ZFYVE16: variants seen among roughly 807,000 people sequenced by gnomAD.
ZFYVE16 encodes zinc finger FYVE domain-containing protein 16.
ZFYVE16 carries 89 observed loss-of-function variants against 138.1 expected under a neutral mutation model. The observed-to-expected ratio is 0.64, with a 90% confidence interval of 0.54 to 0.77. The LOEUF is 0.77. Ranked by LOEUF, ZFYVE16 falls within the 30% of genes least tolerant of loss-of-function variation. The pLI is 0.00. For missense variants in ZFYVE16, 1,793 were observed against 1,786.7 expected, an observed-to-expected ratio of 1.00 and a Z score of -0.06; for synonymous variants, 596 against 618.3, an observed-to-expected ratio of 0.96 and a Z score of 0.53.
chr5:80,481,567 C>A lies in ZFYVE16; in HGVS notation c.*4190C>A, dbSNP rs1460266415. The stretch of plus-strand genomic sequence containing the variant: ...GAACCACAGCCACCAAAAAAAGTGG[C>A]CAGGATGTGTGCTCTGAAACTTAAC... On this transcript the variant is annotated 3_prime_UTR_variant, in exon 19 of 19. Coordinates refer to ENST00000505560, the MANE Select transcript of ZFYVE16 (RefSeq NM_001284236.3). Among the ~76,000 whole-genome samples the A allele has an allele frequency of 1.3e-5, 2 of 151,956 alleles. No individual in the cohort carries two copies. Among genetic ancestry groups the A allele is most frequent in the African/African-American group, 4.8e-5 (2 of 41,348 alleles).
intron 1 of ZFYVE16, among the ~76,000 whole-genome samples, chr5:80,409,247 A>G (rs1227416399): frequency 6.6e-6 from 1 of 152,210 alleles, no homozygotes; most frequent in Non-Finnish European, 1.5e-5. Context: ...AAAAAGCTTC[A>G]TAAAAATGAC....
chr5:80,475,161 C>T (rs893375606), intron 18 of ZFYVE16, among the ~76,000 whole-genome samples: 1 of 152,064 alleles, frequency 6.6e-6, no homozygotes, highest in African/African-American at 2.4e-5. Context: ...TTTTGTTTAC[C>T]CAGTGGGGCC....
At chr5:80,417,166 A>C (rs923845072) in intron 1 of ZFYVE16, among the ~76,000 whole-genome samples, 2 of 152,196 alleles carry the variant, frequency 1.3e-5, no homozygotes, top group African/African-American at 4.8e-5. Context: ...CAGAATTGTT[A>C]ACCTGTACCA....
At chr5:80,417,583 T>C (rs1097307) in intron 1 of ZFYVE16, among the ~76,000 whole-genome samples, 119,527 of 152,110 alleles carry the variant, frequency 0.79, 49,718 homozygotes, top group East Asian at 0.92. Flanking sequence ...ATTAGAATCA[T>C]GTAGTATGTA....
chr5:80,448,876 C>T (rs1751680027), intron 8 of ZFYVE16, among the ~76,000 whole-genome samples: 1 of 152,012 alleles, frequency 6.6e-6, no homozygotes, highest in Non-Finnish European at 1.5e-5. Flanking sequence ...TTTCTAAGGT[C>T]CTTTTCAAGC....
chr5:80,420,066 C>T (rs1316256060), intron 1 of ZFYVE16, among the ~76,000 whole-genome samples: 5 of 150,198 alleles, frequency 3.3e-5, no homozygotes, highest in South Asian at 4.2e-4. Context: ...CACCTTGGCC[C>T]CCCAAAGTGC....
In ZFYVE16 at chr5:80,483,305, C is replaced by T. The variant is rs1411382170; in HGVS notation, c.*5928C>T. The T allele has an allele frequency of 6.6e-6, 1 of 152,156 alleles. No homozygotes were observed. Among genetic ancestry groups the T allele is most frequent in the African/African-American group, 2.4e-5 (1 of 41,448 alleles). The allele number at this position is 152,156 out of a possible 1,614,324, so 9.4% of individuals were successfully genotyped here. On this transcript the variant is annotated 3_prime_UTR_variant, in exon 19 of 19. Coordinates refer to ENST00000505560, the MANE Select transcript of ZFYVE16 (RefSeq NM_001284236.3). ...AGGAAGAGCAACCAAAATGGCAAAT[C>T]TCTGGATAAACCAAATAGACTTACA... is the stretch of plus-strand genomic sequence containing the variant.
At chr5:80,433,371 G>T (rs894888168) in intron 2 of ZFYVE16, among the ~76,000 whole-genome samples, 11 of 152,176 alleles carry the variant, frequency 7.2e-5, no homozygotes, top group Non-Finnish European at 1.6e-4. Flanking sequence ...CTCACTCGTA[G>T]TTGGGAATTG....
intron 1 of ZFYVE16, among the ~76,000 whole-genome samples, chr5:80,408,977 C>G (rs1247430704): frequency 2.7e-5 from 1 of 36,652 alleles, no homozygotes; most frequent in Non-Finnish European, 1.3e-4. Flanking sequence ...AATTTTTCGC[C>G]TAATTTCTTC....
chr5:80,440,109 C>A, intron 5 of ZFYVE16, 77 bp downstream of exon 5: 1 of 1,476,814 alleles, frequency 6.8e-7, no homozygotes. Flanking sequence ...CAAAGATAAA[C>A]TTCTTTATTT....
At chr5:80,461,663 T>G (rs1259114684) in intron 15 of ZFYVE16, among the ~76,000 whole-genome samples, 1 of 151,902 alleles carries the variant, frequency 6.6e-6, no homozygotes, top group Non-Finnish European at 1.5e-5. Flanking sequence ...CTCCAGTATC[T>G]CTTCTTCTTC....
chr5:80,448,071 C>T lies in ZFYVE16; in HGVS notation c.2770C>T (p.Pro924Ser). Residue 924 changes from proline (P) to serine (S), a missense_variant, in exon 8 of 19, where the codon CCA becomes TCA. This residue lies in a region of ZFYVE16 where 1,295 missense variants were observed against 1,204.3 expected (regional missense o/e 1.08). Coordinates refer to ENST00000505560, the MANE Select transcript of ZFYVE16 (RefSeq NM_001284236.3). ...DHSHSTTVEK[P>S]NNETGDITRN... is the part of the protein sequence containing the mutation. ...TTCCCATTCTACTACAGTGGAAAAG[C>T]CAAACAATGAGACAGGAGATATTAC... The T allele has an allele frequency of 6.2e-7, 1 of 1,612,672 alleles. No individual in the cohort carries two copies.
chr5:80,471,772 G>A (rs1754406793), intron 15 of ZFYVE16, among the ~76,000 whole-genome samples: 1 of 152,148 alleles, frequency 6.6e-6, no homozygotes, highest in South Asian at 2.1e-4. Flanking sequence ...GCTGAAGAAG[G>A]TTTGTTTATG....
Position 80,448,056 on chromosome 5 carries a change from A to G in ZFYVE16, c.2755A>G (p.Thr919Ala). ...AAACACAGTGGATCATTCCCATTCT[A>G]CTACAGTGGAAAAGCCAAACAATGA... The part of the protein sequence containing the change: ...TVNTVDHSHS[T>A]TVEKPNNETG... Residue 919 changes from threonine (T) to alanine (A), a missense_variant, in exon 8 of 19, where the codon ACT (threonine) becomes GCT (alanine). Coordinates refer to ENST00000505560, the MANE Select transcript of ZFYVE16 (RefSeq NM_001284236.3). 1 of 1,612,014 alleles carries G rather than the reference A, an allele frequency of 6.2e-7. No homozygotes were observed. Among genetic ancestry groups the G allele is most frequent in the African/African-American group, 1.3e-5 (1 of 74,968 alleles).
intron 2 of ZFYVE16, among the ~76,000 whole-genome samples, chr5:80,433,030 G>A (rs913782471): frequency 9.7e-4 from 148 of 152,264 alleles, no homozygotes; most frequent in African/African-American, 3.3e-3. Context: ...TCAGTGTGGC[G>A]ATTCCTTAGG....
At chr5:80,470,081 G>A (rs1337676363) in intron 15 of ZFYVE16, among the ~76,000 whole-genome samples, 3 of 76,580 alleles carry the variant, frequency 3.9e-5, no homozygotes, top group Non-Finnish European at 8.6e-5. Flanking sequence ...GTGTGTGTGT[G>A]TGTGTGTGTG....
At chr5:80,472,007 T>A (rs1450478106) in intron 15 of ZFYVE16, among the ~76,000 whole-genome samples, 1 of 152,154 alleles carries the variant, frequency 6.6e-6, no homozygotes, top group Non-Finnish European at 1.5e-5. Flanking sequence ...TCACTTTGGT[T>A]GGTCCACATG....
intron 1 of ZFYVE16, among the ~76,000 whole-genome samples, chr5:80,411,979 G>A (rs982427098): frequency 6.6e-6 from 1 of 152,030 alleles, no homozygotes; most frequent in African/African-American, 2.4e-5. Flanking sequence ...TTTTATTTGA[G>A]ACAGGATCTC....
At chr5:80,416,170 T>A (rs1034173508) in intron 1 of ZFYVE16, among the ~76,000 whole-genome samples, 13 of 152,136 alleles carry the variant, frequency 8.5e-5, no homozygotes, top group Non-Finnish European at 1.8e-4. Context: ...ATTTTTTTTT[T>A]ATTTTTTTGC....
Sources: allele counts gnomAD v4.1 joint callset (sites outside exome capture counted in the v4.1 genomes callset), GRCh38; gene constraint gnomAD v4.1.1; regional missense constraint gnomAD v4.1.1; transcripts MANE v1.5; gene names NCBI Gene and HGNC (gene_info 2026-07-23, HGNC 2026-07-21).